GJC2: variants seen among roughly 807,000 people sequenced by gnomAD.
The protein encoded by GJC2 is gap junction gamma-2 protein.
For synonymous variants in GJC2, 336 were observed against 307.5 expected, an observed-to-expected ratio of 1.09 and a Z score of -0.97; for missense variants, 647 against 648.9, an observed-to-expected ratio of 1.00 and a Z score of 0.03.
chr1:228,154,568 T>C (rs2034658260), intron 1 of GJC2, among the ~76,000 whole-genome samples: 1 of 151,912 alleles, frequency 6.6e-6, no homozygotes, highest in Non-Finnish European at 1.5e-5. Context: ...AGCCCACAGG[T>C]AGGGATGGGG....
At chr1:228,157,700 T>G (rs955669844) in intron 1 of GJC2, 40 bp from the exon 2 acceptor site, 4 of 1,296,462 alleles carry the variant, frequency 3.1e-6, no homozygotes, top group Non-Finnish European at 4.3e-6. Context: ...CGCGGGCTCC[T>G]AAGTGCAGGC....
chr1:228,158,322 G>C lies in GJC2; in HGVS notation c.564G>C (p.Ala188=). The change falls in exon 2 of 2, where the codon GCG becomes GCC. Residue 188 remains alanine, a synonymous_variant. Coordinates refer to ENST00000366714, the MANE Select transcript of GJC2 (RefSeq NM_020435.4). This position sits in a 1 kb window ranked among gnomAD's most constrained non-coding sequence, Gnocchi z 8.3. ...AGGCGGTCGGCGCTGACGGCAAGGCGGCAGGGACCCCGGGCCCGACCGGGC... is the reference window on the plus strand; with the variant it reads ...AGGCGGTCGGCGCTGACGGCAAGGCCGCAGGGACCCCGGGCCCGACCGGGC... The part of the protein sequence containing the change: ...CTKAVGADGK[A]AGTPGPTGQH... 6.4e-7 allele frequency: 1 copy of C among 1,558,018 alleles called. No homozygotes were observed. The highest frequency in any genetic ancestry group is 8.7e-7 in the Non-Finnish European group (1 of 1,155,134).
In GJC2 at chr1:228,157,736, A is replaced by ACCGGGGGGGGGGGGGGGG; in HGVS notation, c.-19-3_-19-2insCGGGGGGGGGGGGGGGGC. The stretch of plus-strand genomic sequence containing the variant: ...CCCTGGCTGACCCCTACCCCGCCCC[A>ACCGGGGGGGGGGGGGGGG]CAGGACCCGCCCGCCCGCCCCTATG... On this transcript the variant is annotated splice_region_variant and splice_polypyrimidine_tract_variant and intron_variant, in intron 1 of 1. Coordinates refer to ENST00000366714, the MANE Select transcript of GJC2 (RefSeq NM_020435.4). The ACCGGGGGGGGGGGGGGGG allele has an allele frequency of 1.5e-6, 1 of 677,006 alleles. No homozygotes were observed. The highest frequency in any genetic ancestry group is 2.7e-6 in the Non-Finnish European group (1 of 369,354). The allele number at this position is 677,006 out of a possible 1,614,324, so 41.9% of individuals were successfully genotyped here.
intron 1 of GJC2, among the ~76,000 whole-genome samples, chr1:228,153,652 G>A (rs558372663): frequency 2.7e-5 from 4 of 148,262 alleles, no homozygotes; most frequent in East Asian, 2.0e-4. Flanking sequence ...GTGCAATCTC[G>A]GCTCACTGCA....
In GJC2 at chr1:228,150,012, G is replaced by A. The variant is rs2034590489; in HGVS notation, c.-20+5G>A. On this transcript the variant is annotated splice_donor_5th_base_variant and intron_variant, in intron 1 of 1. Transcript: ENST00000366714. The surrounding 1 kb of genome is among the most constrained non-coding windows in gnomAD (Gnocchi z 4.6). ...GAATTTTCTGGCCTGGAGAAGGTAG[G>A]GTGCTGGGGTCCATGTATGTACCTC... 2 of 152,580 alleles carry A rather than the reference G, an allele frequency of 1.3e-5. No individual in the cohort carries two copies. Among genetic ancestry groups the A allele is most frequent in the South Asian group, 4.1e-4 (2 of 4,848 alleles). The allele number at this position is 152,580 out of a possible 1,614,324, so 9.5% of individuals were successfully genotyped here.
rs1248186114 is a variant in GJC2 at position 228,158,835 on chromosome 1, C to T, written c.1077C>T (p.Arg359=). 6.8e-7 allele frequency: 1 copy of T among 1,465,492 alleles called. No individual in the cohort carries two copies. Among genetic ancestry groups the T allele is most frequent in the Non-Finnish European group, 9.0e-7 (1 of 1,113,134 alleles). 90.8% of individuals were successfully genotyped at this position (1,465,492 alleles called of 1,614,324 possible). Reference sequence around the variant, plus strand: ...CAAACCTGGCCCTGCAGGCGCTGCGCGACGGGGCAGCGGCTGGGGACCGCG... The same window carrying T: ...CAAACCTGGCCCTGCAGGCGCTGCGTGACGGGGCAGCGGCTGGGGACCGCG... ...NLANLALQAL[R]DGAAAGDRDR... Residue 359 remains arginine (R), a synonymous_variant, in exon 2 of 2, where the codon CGC becomes CGT. Coordinates refer to ENST00000366714, the MANE Select transcript of GJC2 (RefSeq NM_020435.4). This position sits in a 1 kb window ranked among gnomAD's most constrained non-coding sequence, Gnocchi z 8.3.
At chr1:228,155,055 C>T (rs538325942) in intron 1 of GJC2, among the ~76,000 whole-genome samples, 6 of 152,336 alleles carry the variant, frequency 3.9e-5, no homozygotes, top group Admixed American at 1.3e-4. Context: ...TCTATGAAAC[C>T]GCCCACGTCT....
Position 228,159,342 on chromosome 1 carries a change from G to A in GJC2, c.*264G>A. The A allele has an allele frequency of 1.9e-6, 1 of 534,248 alleles. No individual in the cohort carries two copies. The highest frequency in any genetic ancestry group is 3.4e-6 in the Non-Finnish European group (1 of 290,978). 33.1% of individuals were successfully genotyped at this position (534,248 alleles called of 1,614,324 possible). On this transcript the variant is annotated 3_prime_UTR_variant, in exon 2 of 2. Coordinates refer to ENST00000366714, the MANE Select transcript of GJC2 (RefSeq NM_020435.4). This position sits in a 1 kb window ranked among gnomAD's most constrained non-coding sequence, Gnocchi z 4.0. ...TGTGGTCTGAACCCCAGGGGGAGTG[G>A]GGCATTGACTCCACCCCTGTCCTGA...
Position 228,158,391 on chromosome 1 carries a change from C to T in GJC2, c.633C>T (p.Arg211=), listed in dbSNP as rs981105825. 35 of 1,604,274 alleles carry T rather than the reference C, an allele frequency of 2.2e-5. No individual in the cohort carries two copies. The highest frequency in any genetic ancestry group is 1.7e-6 in the Non-Finnish European group (2 of 1,179,216). ...RRRIQREGLM[R]VYVAQLVARA... The stretch of plus-strand genomic sequence containing the variant: ...GCATCCAGCGGGAGGGCCTGATGCG[C>T]GTGTACGTGGCCCAGCTGGTGGCCA... Residue 211 remains arginine, a synonymous_variant, in exon 2 of 2, where the codon CGC becomes CGT. Coordinates refer to ENST00000366714, the MANE Select transcript of GJC2 (RefSeq NM_020435.4). The surrounding 1 kb of genome is among the most constrained non-coding windows in gnomAD (Gnocchi z 8.3).
intron 1 of GJC2, among the ~76,000 whole-genome samples, chr1:228,154,354 T>C (rs1218815785): frequency 2.0e-5 from 3 of 152,146 alleles, no homozygotes; most frequent in Non-Finnish European, 4.4e-5. Context: ...CATGTTTCCT[T>C]ATGAGTCTTC....
rs1309937150 is a variant in GJC2, at chr1:228,158,331, C to T, written c.573C>T (p.Thr191=). ...GCGCTGACGGCAAGGCGGCAGGGAC[C>T]CCGGGCCCGACCGGGCAACACGATG... ...AVGADGKAAG[T]PGPTGQHDGR... Residue 191 remains threonine, a synonymous_variant, in exon 2 of 2, where the codon ACC becomes ACT. Coordinates refer to ENST00000366714, the MANE Select transcript of GJC2 (RefSeq NM_020435.4). The surrounding 1 kb of genome is among the most constrained non-coding windows in gnomAD (Gnocchi z 8.3). The T allele has an allele frequency of 6.4e-7, 1 of 1,564,200 alleles. No individual in the cohort carries two copies. The highest frequency in any genetic ancestry group is 1.9e-5 in the Admixed American group (1 of 53,610).
At chr1:228,157,583 A>C (rs868361744) in intron 1 of GJC2, among the ~76,000 whole-genome samples, 157 bp from the exon 2 acceptor site, 45 of 152,298 alleles carry the variant, frequency 3.0e-4, no homozygotes, top group Middle Eastern at 3.4e-3. Flanking sequence ...GGGCCGGATC[A>C]GGTGGGGGCT....
At position 228,151,249 on chromosome 1, in the gene GJC2, G is replaced by A. The variant is rs2034613033; in HGVS notation, c.-20+1242G>A. The stretch of plus-strand genomic sequence containing the variant: ...CTGCACGTGTGCACGGCCCTGGCAA[G>A]GCCTGGGGATCCCACAGACTCATAC... On this transcript the variant is annotated intron_variant, in intron 1 of 1. Coordinates refer to ENST00000366714, the MANE Select transcript of GJC2 (RefSeq NM_020435.4). The surrounding 1 kb of genome is among the most constrained non-coding windows in gnomAD (Gnocchi z 5.4). 6.6e-6 allele frequency among the ~76,000 whole-genome samples: 1 copy of A among 152,146 alleles called. No homozygotes were observed. Among genetic ancestry groups the A allele is most frequent in the South Asian group, 2.1e-4 (1 of 4,832 alleles).
Position 228,152,053 on chromosome 1 carries a change from G to A in GJC2, c.-20+2046G>A, listed in dbSNP as rs1190090055. Among the ~76,000 whole-genome samples the A allele has an allele frequency of 2.6e-5, 4 of 152,164 alleles. No individual in the cohort carries two copies. Among genetic ancestry groups the A allele is most frequent in the Admixed American group, 6.5e-5 (1 of 15,282 alleles). On this transcript the variant is annotated intron_variant, in intron 1 of 1. Transcript: ENST00000366714. This position sits in a 1 kb window ranked among gnomAD's most constrained non-coding sequence, Gnocchi z 7.3. ...TCTGAGTGAGGACTGTCCCCACACA[G>A]GGCCCTGCAGTGGAGTGCAGGGGAA...
rs1196278287 is a variant in GJC2 at position 228,158,907 on chromosome 1, G to GC, written c.1155dup (p.Arg386GlnfsTer106). ...TCGGCCTCCCTGCGGCCTCCCGGGG[G>GC]CCCCCCAGAGCAGGCGCCCCCGCGT... On this transcript the variant is annotated frameshift_variant, in exon 2 of 2. Transcript: ENST00000366714. LOFTEE classifies it low-confidence loss of function (END_TRUNC). This position sits in a 1 kb window ranked among gnomAD's most constrained non-coding sequence, Gnocchi z 8.3. 7 of 1,489,476 alleles carry GC rather than the reference G, an allele frequency of 4.7e-6. No homozygotes were observed. Among genetic ancestry groups the GC allele is most frequent in the East Asian group, 2.6e-5 (1 of 38,128 alleles). 92.3% of individuals were successfully genotyped at this position (1,489,476 alleles called of 1,614,324 possible). A position where few individuals can be genotyped will look rare whatever the true frequency, so the allele number is the denominator to read the frequency against.
Position 228,151,619 on chromosome 1 carries a change from G to A in GJC2, c.-20+1612G>A, listed in dbSNP as rs145937082. Among the ~76,000 whole-genome samples the A allele has an allele frequency of 2.0e-5, 3 of 152,006 alleles. No individual in the cohort carries two copies. Among genetic ancestry groups the A allele is most frequent in the African/African-American group, 4.8e-5 (2 of 41,378 alleles). ...TGTGTGGGGGGGTGGAGGGAGGAGC[G>A]TGCCCTGTGTGTACATGTGAAGGAT... is the stretch of plus-strand genomic sequence containing the variant. On this transcript the variant is annotated intron_variant, in intron 1 of 1. Coordinates refer to ENST00000366714, the MANE Select transcript of GJC2 (RefSeq NM_020435.4). This position sits in a 1 kb window ranked among gnomAD's most constrained non-coding sequence, Gnocchi z 5.4.
intron 1 of GJC2, among the ~76,000 whole-genome samples, chr1:228,156,237 C>T (rs1027847267): frequency 6.6e-6 from 1 of 152,176 alleles, no homozygotes; most frequent in African/African-American, 2.4e-5. Flanking sequence ...TGCATATGCA[C>T]AAGTGTGTAT....
At position 228,158,840 on chromosome 1, in the gene GJC2, G is replaced by T. The variant is rs1372028650; in HGVS notation, c.1082G>T (p.Gly361Val). 6.1e-6 allele frequency: 9 copies of T among 1,469,624 alleles called. No individual in the cohort carries two copies. The East Asian group carries it at 2.7e-4, about 44-fold the overall frequency. 91.0% of individuals were successfully genotyped at this position (1,469,624 alleles called of 1,614,324 possible). ...CTGGCCCTGCAGGCGCTGCGCGACG[G>T]GGCAGCGGCTGGGGACCGCGACCGG... ...ANLALQALRD[G>V]AAAGDRDRDS... Residue 361 changes from glycine (G) to valine (V), a missense_variant, in exon 2 of 2, where the codon GGG (glycine) becomes GTG (valine). Gly to Val is a moderately radical substitution (Grantham distance 109, BLOSUM62 -3). Transcript: ENST00000366714. This position sits in a 1 kb window ranked among gnomAD's most constrained non-coding sequence, Gnocchi z 8.3.
Position 228,151,070 on chromosome 1 carries a change from C to T in GJC2, c.-20+1063C>T, listed in dbSNP as rs558696148. Reference sequence around the variant, plus strand: ...CCAGAGGAGGAACAGCCCCTCACTTCTGGGCCTGACAGCTCTGTTCCTGCT... The same window carrying T: ...CCAGAGGAGGAACAGCCCCTCACTTTTGGGCCTGACAGCTCTGTTCCTGCT... On this transcript the variant is annotated intron_variant, in intron 1 of 1. Transcript: ENST00000366714. This position sits in a 1 kb window ranked among gnomAD's most constrained non-coding sequence, Gnocchi z 5.4. Among the ~76,000 whole-genome samples the T allele has an allele frequency of 7.2e-5, 11 of 152,270 alleles. No individual in the cohort carries two copies. In the East Asian group the frequency reaches 1.9e-3, roughly 27 times the overall value.
Sources: allele counts gnomAD v4.1 joint callset (sites outside exome capture counted in the v4.1 genomes callset), GRCh38; gene constraint gnomAD v4.1.1; non-coding constraint Gnocchi (gnomAD v3.1); transcripts MANE v1.5; gene names NCBI Gene and HGNC (gene_info 2026-07-23, HGNC 2026-07-21).